The following ONECUT2 variants were observed in gnomAD, a reference collection of about 807,000 sequenced individuals.
The protein encoded by ONECUT2 is one cut domain family member 2.
A neutral mutation model predicts 27.9 loss-of-function variants in ONECUT2; 10 were observed. The observed-to-expected ratio is 0.36, with a 90% CI of 0.22 to 0.61. ONECUT2 has a LOEUF of 0.61. Ranked by LOEUF, ONECUT2 falls within the 20% of genes least tolerant of loss-of-function variation. The pLI is 0.73. For missense variants in ONECUT2, 686 were observed against 721.0 expected, an observed-to-expected ratio of 0.95 and a Z score of 0.56; for synonymous variants, 334 against 315.1, an observed-to-expected ratio of 1.06 and a Z score of -0.64.
chr18:57,475,426 C>G (rs1020095219), intron 1 of ONECUT2, among the ~76,000 whole-genome samples: 17 of 152,160 alleles, frequency 1.1e-4, no homozygotes, highest in African/African-American at 4.1e-4. Context: ...TTAACCTTTA[C>G]AGGTCACTTT....
intron 1 of ONECUT2, among the ~76,000 whole-genome samples, chr18:57,475,748 C>A (rs893879151): frequency 6.6e-6 from 1 of 152,190 alleles, no homozygotes; most frequent in Non-Finnish European, 1.5e-5. Flanking sequence ...CTTCCCCCAC[C>A]CTCATCCCCT....
chr18:57,480,409 G>A lies in ONECUT2; in HGVS notation c.*3686G>A, dbSNP rs1323785673. 6.6e-6 allele frequency: 1 copy of A among 152,150 alleles called. No individual in the cohort carries two copies. Among genetic ancestry groups the A allele is most frequent in the East Asian group, 1.9e-4 (1 of 5,194 alleles). The allele number at this position is 152,150 out of a possible 1,614,324, so 9.4% of individuals were successfully genotyped here. A position where few individuals can be genotyped will look rare whatever the true frequency, so the allele number is the denominator to read the frequency against. ...CTTTTCCAGACTGGATTGAGGAATG[G>A]AGCCTGTTTGATTTGGTTAGTGATT... On this transcript the variant is annotated 3_prime_UTR_variant, in exon 2 of 2. Coordinates refer to ENST00000491143, the MANE Select transcript of ONECUT2 (RefSeq NM_004852.3).
In ONECUT2 at chr18:57,485,527, A is replaced by G. The variant is rs2050433767; in HGVS notation, c.*8804A>G. ...AAATCACTATTAAGAGCCATTCATC[A>G]ACGTGATTTGTGTGTTAGCCAATGA... On this transcript the variant is annotated 3_prime_UTR_variant, in exon 2 of 2. Coordinates refer to ENST00000491143, the MANE Select transcript of ONECUT2 (RefSeq NM_004852.3). The G allele has an allele frequency of 6.6e-6, 1 of 152,228 alleles. No individual in the cohort carries two copies. The highest frequency in any genetic ancestry group is 2.1e-4 in the South Asian group (1 of 4,832). The allele number at this position is 152,228 out of a possible 1,614,324, so 9.4% of individuals were successfully genotyped here.
At chr18:57,476,301 G>C in intron 1 of ONECUT2, 136 bp from the exon 2 acceptor site, 5 of 848,168 alleles carry the variant, frequency 5.9e-6, no homozygotes, top group Non-Finnish European at 9.0e-6. Context: ...GGGAAGGCTG[G>C]TTATTGACAG....
In ONECUT2 at chr18:57,435,993, A is replaced by ACGGCGGCAG. The variant is rs763362279; in HGVS notation, c.294_302dup (p.Ala99_Ala101dup). The ACGGCGGCAG allele has an allele frequency of 2.3e-4, 348 of 1,507,728 alleles. 2 individuals carry two copies. In the East Asian group the frequency reaches 5.3e-3, roughly 23 times the overall value. The allele number at this position is 1,507,728 out of a possible 1,614,324, so 93.4% of individuals were successfully genotyped here. A position where few individuals can be genotyped will look rare whatever the true frequency, so the allele number is the denominator to read the frequency against. ...TCCAACCGCGCACCAGGAGCTGGGCACGGCGGCAGCGGCGGCAGCGGCGGC... is the reference window on the plus strand; with the variant it reads ...TCCAACCGCGCACCAGGAGCTGGGCACGGCGGCAGCGGCGGCAGCGGCGGCAGCGGCGGC... On this transcript the variant is annotated inframe_insertion, in exon 1 of 2. Coordinates refer to ENST00000491143, the MANE Select transcript of ONECUT2 (RefSeq NM_004852.3).
At chr18:57,444,887 A>G (rs1401107480) in intron 1 of ONECUT2, among the ~76,000 whole-genome samples, 1 of 152,176 alleles carries the variant, frequency 6.6e-6, no homozygotes, top group East Asian at 1.9e-4. Flanking sequence ...GGGTGGGAAG[A>G]GAGGGGGTCA....
In ONECUT2 at chr18:57,488,917, C is replaced by T. The variant is rs567682681; in HGVS notation, c.*12194C>T. The T allele has an allele frequency of 2.0e-5, 3 of 152,468 alleles. No individual in the cohort carries two copies. The highest frequency in any genetic ancestry group is 4.8e-5 in the African/African-American group (2 of 41,582). The allele number at this position is 152,468 out of a possible 1,614,324, so 9.4% of individuals were successfully genotyped here. A position where few individuals can be genotyped will look rare whatever the true frequency, so the allele number is the denominator to read the frequency against. ...ACCTCACTCTCTCTGGACTCCAACA[C>T]TTCCCTGCAATCCTTTGGTCTTGAG... On this transcript the variant is annotated 3_prime_UTR_variant, in exon 2 of 2. Transcript: ENST00000491143.
rs776915254 is a variant in ONECUT2, at chr18:57,478,929, T to A, written c.*2206T>A. The A allele has an allele frequency of 6.6e-6, 1 of 152,600 alleles. No individual in the cohort carries two copies. The highest frequency in any genetic ancestry group is 2.4e-5 in the African/African-American group (1 of 41,466). The allele number at this position is 152,600 out of a possible 1,614,324, so 9.5% of individuals were successfully genotyped here. A position where few individuals can be genotyped will look rare whatever the true frequency, so the allele number is the denominator to read the frequency against. On this transcript the variant is annotated 3_prime_UTR_variant, in exon 2 of 2. Transcript: ENST00000491143. ...ATTGTTTCATTTCAATTTTGTCTTA[T>A]GGTTTTTTGCCCCAACATGGAATCT...
chr18:57,471,776 G>A (rs551554137), intron 1 of ONECUT2, among the ~76,000 whole-genome samples: 11 of 152,284 alleles, frequency 7.2e-5, no homozygotes, highest in Admixed American at 3.3e-4. Context: ...GTGGGGAAAG[G>A]TAGCCTTATT....
chr18:57,471,359 G>C (rs1255527164), intron 1 of ONECUT2, among the ~76,000 whole-genome samples: 1 of 152,222 alleles, frequency 6.6e-6, no homozygotes, highest in East Asian at 1.9e-4. Context: ...GATGGGGAAG[G>C]CATGGAGAAA....
At chr18:57,459,731 G>A (rs1367648295) in intron 1 of ONECUT2, among the ~76,000 whole-genome samples, 1 of 151,782 alleles carries the variant, frequency 6.6e-6, no homozygotes, top group Admixed American at 6.6e-5. Context: ...CCTAATTTTT[G>A]TATTTTTAGT....
At chr18:57,442,227 A>G (rs116806211) in intron 1 of ONECUT2, among the ~76,000 whole-genome samples, 1,605 of 150,058 alleles carry the variant, frequency 0.011, 23 homozygotes, top group African/African-American at 0.037. Context: ...GAGTAGGATG[A>G]GAACTAATTC....
chr18:57,464,190 G>A (rs1356285271), intron 1 of ONECUT2, among the ~76,000 whole-genome samples: 1 of 152,092 alleles, frequency 6.6e-6, no homozygotes, highest in Non-Finnish European at 1.5e-5. Flanking sequence ...TCATAGGGTG[G>A]TTGTAATAAT....
chr18:57,459,946 A>G (rs1034491071), intron 1 of ONECUT2, among the ~76,000 whole-genome samples: 1 of 151,772 alleles, frequency 6.6e-6, no homozygotes, highest in African/African-American at 2.4e-5. Context: ...TTTTAGAGGC[A>G]GGATCTCACT....
Position 57,476,572 on chromosome 18 carries a change from T to A in ONECUT2, c.1364T>A (p.Met455Lys). The A allele has an allele frequency of 6.2e-7, 1 of 1,614,222 alleles. No individual in the cohort carries two copies. The highest frequency in any genetic ancestry group is 1.6e-4 in the Middle Eastern group (1 of 6,062). ...GAGAACAAACGCCCGTCAAAGGAGATGCAGATCACCATTTCCCAGCAGCTG... is the reference window on the plus strand; with the variant it reads ...GAGAACAAACGCCCGTCAAAGGAGAAGCAGATCACCATTTCCCAGCAGCTG... The part of the protein sequence containing the change: ...FKENKRPSKE[M>K]QITISQQLGL... The change falls in exon 2 of 2, where the codon ATG becomes AAG. Residue 455 changes from methionine (M) to lysine (K), a missense_variant. Physicochemically the swap from Met to Lys is moderately conservative, Grantham distance 95. Around this residue, in one of 4 missense-constraint regions of ONECUT2, gnomAD observed 77 missense variants for 105.5 expected, o/e 0.73. Coordinates refer to ENST00000491143, the MANE Select transcript of ONECUT2 (RefSeq NM_004852.3).
chr18:57,459,783 T>C (rs2050279867), intron 1 of ONECUT2, among the ~76,000 whole-genome samples: 1 of 152,206 alleles, frequency 6.6e-6, no homozygotes, highest in African/African-American at 2.4e-5. Context: ...GGTCTCGAAC[T>C]TCTGACCTCA....
At position 57,476,701 on chromosome 18, in the gene ONECUT2, C is replaced by T. The variant is rs989697948; in HGVS notation, c.1493C>T (p.Ser498Phe). Residue 498 changes from serine to phenylalanine, a missense_variant, in exon 2 of 2, where the codon TCC (serine) becomes TTC (phenylalanine). Around this residue, in one of 4 missense-constraint regions of ONECUT2, gnomAD observed 77 missense variants for 105.5 expected, o/e 0.73. Coordinates refer to ENST00000491143, the MANE Select transcript of ONECUT2 (RefSeq NM_004852.3). ...DLSTGGSSST[S>F]STCTKA ...AGCACAGGGGGCTCCTCGTCCACCTCCAGCACGTGTACCAAAGCATGATGG... is the reference window on the plus strand; with the variant it reads ...AGCACAGGGGGCTCCTCGTCCACCTTCAGCACGTGTACCAAAGCATGATGG... 3 of 1,613,974 alleles carry T rather than the reference C, an allele frequency of 1.9e-6. No homozygotes were observed. In the African/African-American group the frequency reaches 4.0e-5, roughly 22 times the overall value.
intron 1 of ONECUT2, among the ~76,000 whole-genome samples, chr18:57,444,600 C>T (rs2050192027): frequency 6.6e-6 from 1 of 152,218 alleles, no homozygotes; most frequent in Non-Finnish European, 1.5e-5. Flanking sequence ...GTTGAGTCTG[C>T]TAGGGAATCT....
intron 1 of ONECUT2, among the ~76,000 whole-genome samples, chr18:57,440,406 G>A (rs1181943017): frequency 6.6e-6 from 1 of 152,232 alleles, no homozygotes; most frequent in Non-Finnish European, 1.5e-5. Context: ...TCCGACGCCC[G>A]AAAATCGAGC....
Sources: allele counts gnomAD v4.1 joint callset (sites outside exome capture counted in the v4.1 genomes callset), GRCh38; gene constraint gnomAD v4.1.1; regional missense constraint gnomAD v4.1.1; transcripts MANE v1.5; gene names NCBI Gene and HGNC (gene_info 2026-07-23, HGNC 2026-07-21).